Variants in DNAI1 observed in about 807,000 individuals in gnomAD.
DNAI1 encodes the protein dynein axonemal intermediate chain 1.
DNAI1 carries 67 observed loss-of-function variants against 92.0 expected under a neutral mutation model. The observed-to-expected ratio is 0.73, with a 90% CI of 0.60 to 0.89. DNAI1 has a LOEUF of 0.89. DNAI1 is among the 40% of genes least tolerant of loss of function. The probability of loss-of-function intolerance (pLI) is 0.00; values close to 1 mark genes in which losing one functional copy is unlikely to be tolerated. For missense variants in DNAI1, 839 were observed against 866.6 expected (o/e 0.97, Z 0.40); for synonymous variants, 323 against 319.6 (o/e 1.01, Z -0.11).
Position 34,489,863 on chromosome 9 carries a change from C to T in DNAI1, c.389-149C>T. On this transcript the variant is annotated intron_variant, in intron 5 of 19. Coordinates refer to ENST00000242317, the MANE Select transcript of DNAI1 (RefSeq NM_012144.4). ...GAGACTCTGTCTCAAAAAAAAAAGC[C>T]CAATAGCTGGTTGTCCTGAATAGGT... The T allele has an allele frequency of 5.8e-6, 7 of 1,216,784 alleles. No individual in the cohort carries two copies. In the South Asian group the frequency reaches 8.5e-5, roughly 15 times the overall value. The allele number at this position is 1,216,784 out of a possible 1,614,324, so 75.4% of individuals were successfully genotyped here.
intron 18 of DNAI1, among the ~76,000 whole-genome samples, chr9:34,516,091 C>A (rs1825166577): frequency 6.6e-6 from 1 of 152,174 alleles, no homozygotes; most frequent in South Asian, 2.1e-4. Context: ...TGAGAGTTGA[C>A]TGGCAAGAAG....
At chr9:34,517,598 GCC>G in intron 19 of DNAI1, 131 bp downstream of exon 19, 1 of 1,039,146 alleles carries the variant, frequency 9.6e-7, no homozygotes, top group Non-Finnish European at 1.4e-6. Flanking sequence ...TGGTGTCATT[GCC>G]TGAATGAGGC....
At chr9:34,482,419 T>C (rs373305909) in intron 1 of DNAI1, among the ~76,000 whole-genome samples, 56 of 144,368 alleles carry the variant, frequency 3.9e-4, no homozygotes, top group East Asian at 1.4e-3. Context: ...TACAGAGTGT[T>C]GATTGGTGCA....
chr9:34,491,365 T>C, intron 7 of DNAI1, 130 bp from the exon 8 acceptor site: 1 of 907,700 alleles, frequency 1.1e-6, no homozygotes, highest in Non-Finnish European at 1.8e-6. Context: ...AGCCCCTCTT[T>C]ACTTCCCCAG....
At chr9:34,480,272 CTT>C (rs202115133) in intron 1 of DNAI1, among the ~76,000 whole-genome samples, 4 of 99,438 alleles carry the variant, frequency 4.0e-5, no homozygotes, top group Admixed American at 1.1e-4. Flanking sequence ...TTTGGTGGAA[CTT>C]TTTTTTTTTT....
intron 1 of DNAI1, among the ~76,000 whole-genome samples, chr9:34,482,832 G>T (rs1824391630): frequency 6.6e-6 from 1 of 152,266 alleles, no homozygotes; most frequent in Admixed American, 6.5e-5. Context: ...TCGTCGGGGA[G>T]GCTGGGGCCG....
chr9:34,471,994 C>G (rs1319697860), intron 1 of DNAI1, among the ~76,000 whole-genome samples: 2 of 152,148 alleles, frequency 1.3e-5, no homozygotes, highest in Non-Finnish European at 2.9e-5. Context: ...TCTGCTGTGA[C>G]ACCCTGAGAT....
chr9:34,514,487 G>A lies in DNAI1; in HGVS notation c.1663G>A (p.Val555Ile). The change falls in exon 17 of 20, where the codon GTC becomes ATC. Residue 555 changes from valine (V) to isoleucine (I), a missense_variant. By Grantham distance (29) the Val-to-Ile change is conservative. Transcript: ENST00000242317. ...TVSWNPYHTK[V>I]FMSCSSDWTV... ...GTCCTGGAACCCATACCACACCAAG[G>A]TCTTCATGTCCTGCAGCTCCGACTG... 6.2e-7 allele frequency: 1 copy of A among 1,614,190 alleles called. No homozygotes were observed. Among genetic ancestry groups the A allele is most frequent in the Non-Finnish European group, 8.5e-7 (1 of 1,180,036 alleles).
At chr9:34,477,924 C>CTTTT (rs74180566) in intron 1 of DNAI1, among the ~76,000 whole-genome samples, 1 of 49,016 alleles carries the variant, frequency 2.0e-5, no homozygotes, top group Non-Finnish European at 4.0e-5. Context: ...CTCTCTCTCT[C>CTTTT]TTTTTTTTTT....
At position 34,501,122 on chromosome 9, in the gene DNAI1, A is replaced by G. The variant is rs904324428; in HGVS notation, c.1020-16A>G. The G allele has an allele frequency of 1.8e-5, 29 of 1,610,040 alleles. No homozygotes were observed. The highest frequency in any genetic ancestry group is 1.7e-4 in the African/African-American group (13 of 74,828). ...GTTCATTTCCTATGCCAATGGATTC[A>G]TATTTTTTTTTGCAGGAATCCAAAG... On this transcript the variant is annotated splice_polypyrimidine_tract_variant and intron_variant, in intron 11 of 19. Transcript: ENST00000242317.
chr9:34,471,596 T>C (rs542670133), intron 1 of DNAI1, among the ~76,000 whole-genome samples: 1 of 152,200 alleles, frequency 6.6e-6, no homozygotes, highest in African/African-American at 2.4e-5. Flanking sequence ...AGTGAAACAC[T>C]GTCTCTACTA....
intron 8 of DNAI1, 83 bp downstream of exon 8, chr9:34,491,637 G>A (rs1407383634): frequency 4.1e-6 from 6 of 1,469,976 alleles, no homozygotes; most frequent in East Asian, 2.3e-5. Flanking sequence ...GCAACACTGG[G>A]TCAAGGGCTC....
intron 1 of DNAI1, 145 bp from the exon 2 acceptor site, chr9:34,483,303 C>A (rs1274741468): frequency 6.6e-6 from 5 of 761,668 alleles, no homozygotes; most frequent in Admixed American, 4.1e-5. Flanking sequence ...CGAGAGCAAG[C>A]GAGGGCTCTG....
rs992510897 is a variant in DNAI1, at chr9:34,469,772, G to A, written c.48+10719G>A. Among the ~76,000 whole-genome samples the A allele has an allele frequency of 7.2e-5, 11 of 152,096 alleles. 1 individual carries two copies. The highest frequency in any genetic ancestry group is 1.3e-4 in the Admixed American group (2 of 15,272). On this transcript the variant is annotated intron_variant, in intron 1 of 19. Transcript: ENST00000242317. Reference sequence around the variant, plus strand: ...TTTTTGTATTTTCAGTAGAGACAGCGTTTCACTATGTTGGCCAGGTTGATG... The same window carrying A: ...TTTTTGTATTTTCAGTAGAGACAGCATTTCACTATGTTGGCCAGGTTGATG...
Position 34,513,112 on chromosome 9 carries a change from G to A in DNAI1, c.1490G>A (p.Gly497Asp), listed in dbSNP as rs376252276. 117 of 1,613,834 alleles carry A rather than the reference G, an allele frequency of 7.2e-5. No individual in the cohort carries two copies. Among genetic ancestry groups the A allele is most frequent in the Non-Finnish European group, 6.9e-5 (81 of 1,179,858 alleles). Residue 497 changes from glycine (G) to aspartate (D), a missense_variant and splice_region_variant, in exon 16 of 20, where the codon GGT (glycine) becomes GAT (aspartate). Transcript: ENST00000242317. Reference protein sequence around the residue: ...VPEGLQLHPVGCGTAFDFHKE... With the variant: ...VPEGLQLHPVDCGTAFDFHKE... Reference sequence around the variant, plus strand: ...GCCTGCCCCTCCCTCTTTTCCCAAGGTTGTGGCACTGCCTTTGACTTCCAC... The same window carrying A: ...GCCTGCCCCTCCCTCTTTTCCCAAGATTGTGGCACTGCCTTTGACTTCCAC...
intron 1 of DNAI1, among the ~76,000 whole-genome samples, chr9:34,478,058 T>C (rs138711277): frequency 0.01 from 1,577 of 151,864 alleles, 32 homozygotes; most frequent in African/African-American, 0.036. Flanking sequence ...GGCTAATTTT[T>C]GTATTTTTAG....
At chr9:34,471,554 G>A (rs1356324577) in intron 1 of DNAI1, among the ~76,000 whole-genome samples, 1 of 152,120 alleles carries the variant, frequency 6.6e-6, no homozygotes, top group Non-Finnish European at 1.5e-5. Flanking sequence ...CGGATCATGA[G>A]GTCAGGAGTT....
chr9:34,494,095 T>TGGCGTGGGAGG (rs1202715353), intron 9 of DNAI1, among the ~76,000 whole-genome samples: 1 of 152,028 alleles, frequency 6.6e-6, no homozygotes, highest in African/African-American at 2.4e-5. Context: ...TGACTTGCAG[T>TGGCGTGGGAGG]GGCGTGGGAG....
At chr9:34,491,724 C>G (rs1824600127) in intron 8 of DNAI1, among the ~76,000 whole-genome samples, 170 bp downstream of exon 8, 1 of 152,234 alleles carries the variant, frequency 6.6e-6, no homozygotes, top group Admixed American at 6.5e-5. Flanking sequence ...ACACCAGGCA[C>G]ATGAGACAGT....
Sources: gnomAD v4.1 joint callset for allele counts (sites outside exome capture counted in the v4.1 genomes callset) on GRCh38, gnomAD v4.1.1 for gene constraint, MANE v1.5 for transcripts, NCBI Gene and HGNC (gene_info 2026-07-23, HGNC 2026-07-21) for gene names.